The following PDE1C variants were observed in gnomAD, a reference collection of about 807,000 sequenced individuals.
PDE1C encodes dual specificity calcium/calmodulin-dependent 3',5'-cyclic nucleotide phosphodiesterase 1C.
A neutral mutation model predicts 93.1 loss-of-function variants in PDE1C; 62 were observed. The ratio of observed to expected loss-of-function variants is 0.67; its 90% CI spans 0.54 to 0.82. PDE1C has a LOEUF of 0.82. Ranked by LOEUF, PDE1C falls within the 40% of genes least tolerant of loss-of-function variation. The probability of loss-of-function intolerance (pLI) is 0.00; values close to 1 mark genes in which losing one functional copy is unlikely to be tolerated. For synonymous variants in PDE1C, 325 were observed against 310.1 expected (o/e 1.05, Z -0.50); for missense variants, 742 against 884.6 (o/e 0.84, Z 2.04).
the PDE1C span, among the ~76,000 whole-genome samples, chr7:31,649,579 T>C: frequency 1.3e-5 from 2 of 152,134 alleles, no homozygotes; most frequent in Admixed American, 6.5e-5. Flanking sequence ...AGATTGTGAG[T>C]AGTCAACTAG....
the PDE1C span, among the ~76,000 whole-genome samples, chr7:31,630,049 G>A: frequency 6.6e-6 from 1 of 151,994 alleles, no homozygotes; most frequent in Non-Finnish European, 1.5e-5. Flanking sequence ...AAAGCTGAAT[G>A]ACAGAAGAAA....
chr7:31,790,123 G>C, intron 16 of PDE1C: 1 of 1,564,042 alleles, frequency 6.4e-7, no homozygotes, highest in South Asian at 1.2e-5. Flanking sequence ...GCTTGTGTTT[G>C]AAAGTTGTAC....
intron 1 of PDE1C, among the ~76,000 whole-genome samples, chr7:32,265,715 A>G (rs1810522888): frequency 6.6e-6 from 1 of 152,196 alleles, no homozygotes; most frequent in Non-Finnish European, 1.5e-5. Flanking sequence ...AAGAATCCTG[A>G]CCAACAGAGA....
chr7:31,804,177 A>T (rs1272589716), intron 16 of PDE1C, among the ~76,000 whole-genome samples: 1 of 151,854 alleles, frequency 6.6e-6, no homozygotes, highest in African/African-American at 2.4e-5. Context: ...AATTACTTTG[A>T]GACATTTTGA....
intron 2 of PDE1C, among the ~76,000 whole-genome samples, chr7:31,886,870 G>GGATCTATTCTGAATA (rs1798007287): frequency 1.8e-4 from 21 of 119,148 alleles, no homozygotes; most frequent in African/African-American, 8.5e-4. Context: ...AGATCTATTC[G>GGATCTATTCTGAATA]GATCTATTCA....
Position 32,116,794 on chromosome 7 carries a change from G to T in PDE1C, c.308+52991C>A, listed in dbSNP as rs376161221. ...ATAATTTTTGTCCCCTTTTGCTATT[G>T]CTTAGAACTACAAATTTATGGAATT... On this transcript the variant is annotated intron_variant, in intron 3 of 18. Coordinates refer to the PDE1C transcript ENST00000396193. Among the ~76,000 whole-genome samples the T allele has an allele frequency of 1.4e-4, 22 of 152,196 alleles. No individual in the cohort carries two copies. The East Asian group carries it at 3.1e-3, about 21-fold the overall frequency.
chr7:32,240,262 A>G (rs1808444718), intron 1 of PDE1C, among the ~76,000 whole-genome samples: 1 of 152,198 alleles, frequency 6.6e-6, no homozygotes, highest in African/African-American at 2.4e-5. Flanking sequence ...GTTTATGGTA[A>G]TGAATGATTA....
At chr7:32,207,150 C>T (rs932487511) in intron 2 of PDE1C, among the ~76,000 whole-genome samples, 3 of 152,098 alleles carry the variant, frequency 2.0e-5, no homozygotes, top group African/African-American at 4.8e-5. Context: ...CCACAGCATC[C>T]ACCACCAGAA....
At chr7:32,145,298 C>T (rs73104503) in intron 3 of PDE1C, among the ~76,000 whole-genome samples, 23,529 of 152,148 alleles carry the variant, frequency 0.15, 2,337 homozygotes, top group Middle Eastern at 0.23. Context: ...AGGTATTGCG[C>T]AGGACATAGC....
At chr7:31,929,840 T>C (rs1023137585) in intron 2 of PDE1C, among the ~76,000 whole-genome samples, 8 of 151,438 alleles carry the variant, frequency 5.3e-5, no homozygotes, top group Non-Finnish European at 1.2e-4. Flanking sequence ...GTGGGAAAGA[T>C]TTAATATCAC....
intron 2 of PDE1C, among the ~76,000 whole-genome samples, chr7:31,923,636 C>A (rs1201034607): frequency 6.6e-6 from 1 of 152,098 alleles, no homozygotes; most frequent in African/African-American, 2.4e-5. Flanking sequence ...AACACACTTA[C>A]AAGAAAGCTT....
At position 31,848,172 on chromosome 7, in the gene PDE1C, G is replaced by A. The variant is rs1015354140; in HGVS notation, c.852-76C>T. ...TTGGGTAATTCTAACAGGCTAGAAC[G>A]CACCACCACTTTTTTCCATGTTTAG... On this transcript the variant is annotated intron_variant, in intron 8 of 17. Transcript: ENST00000396191. The A allele has an allele frequency of 2.6e-5, 36 of 1,410,418 alleles. No homozygotes were observed. In the African/African-American group the frequency reaches 3.3e-4, roughly 13 times the overall value. The allele number at this position is 1,410,418 out of a possible 1,614,324, so 87.4% of individuals were successfully genotyped here.
chr7:32,145,512 G>A (rs889760750), intron 3 of PDE1C, among the ~76,000 whole-genome samples: 1 of 152,062 alleles, frequency 6.6e-6, no homozygotes, highest in Admixed American at 6.6e-5. Context: ...TCAAATGAGT[G>A]TTTTTTCACA....
At chr7:31,828,593 T>C (rs1320076308) in intron 11 of PDE1C, among the ~76,000 whole-genome samples, 1 of 152,178 alleles carries the variant, frequency 6.6e-6, no homozygotes, top group Non-Finnish European at 1.5e-5. Context: ...GCAAAGTTCA[T>C]GTTGCTGTAA....
chr7:31,783,025 C>T (rs1296625845), intron 16 of PDE1C, among the ~76,000 whole-genome samples: 3 of 152,124 alleles, frequency 2.0e-5, no homozygotes, highest in Non-Finnish European at 4.4e-5. Context: ...TTTATTGGGA[C>T]GTGACCCCAT....
intron 1 of PDE1C, among the ~76,000 whole-genome samples, chr7:32,384,692 C>T (rs2128091145): frequency 6.6e-6 from 1 of 151,960 alleles, no homozygotes; most frequent in East Asian, 1.9e-4. Context: ...GTAAATTTTC[C>T]CAAGGGCAGT....
At chr7:32,230,739 A>G (rs982281841) in intron 1 of PDE1C, among the ~76,000 whole-genome samples, 1 of 152,138 alleles carries the variant, frequency 6.6e-6, no homozygotes, top group African/African-American at 2.4e-5. Context: ...GTTAGGAGCC[A>G]TGGAGGTAGA....
chr7:32,369,104 C>T (rs959924324), intron 1 of PDE1C, among the ~76,000 whole-genome samples: 3 of 152,054 alleles, frequency 2.0e-5, no homozygotes, highest in South Asian at 2.1e-4. Flanking sequence ...ATGAATAAGA[C>T]CTGAAAAGCA....
chr7:31,838,150 A>G (rs1791359342), intron 9 of PDE1C, among the ~76,000 whole-genome samples, 179 bp from the exon 10 acceptor site: 1 of 152,232 alleles, frequency 6.6e-6, no homozygotes, highest in Non-Finnish European at 1.5e-5. Flanking sequence ...AAGTATTAAG[A>G]AAATCATTTA....
Sources: allele counts gnomAD v4.1 joint callset (sites outside exome capture counted in the v4.1 genomes callset), GRCh38; gene constraint gnomAD v4.1.1; transcripts MANE v1.5; gene names NCBI Gene and HGNC (gene_info 2026-07-23, HGNC 2026-07-21).